SDSL: variants seen among roughly 807,000 people sequenced by gnomAD.
The protein encoded by SDSL is serine dehydratase-like.
In SDSL, 26 loss-of-function variants were observed where a neutral mutation model predicts 27.6. The observed-to-expected ratio is 0.94, with a 90% confidence interval of 0.69 to 1.31. The LOEUF (loss-of-function observed/expected upper bound fraction) is 1.31. Among genes scored for constraint, SDSL ranks in the 50% most tolerant of loss-of-function variants. The pLI, the probability that SDSL is intolerant of heterozygous loss-of-function variation, is 0.00. For missense variants in SDSL, 431 were observed against 423.5 expected (o/e 1.02, Z -0.16); for synonymous variants, 196 against 180.6 (o/e 1.09, Z -0.69).
intron 4 of SDSL, among the ~76,000 whole-genome samples, chr12:113,433,498 T>C (rs1593314403): frequency 6.6e-6 from 1 of 151,980 alleles, no homozygotes; most frequent in African/African-American, 2.4e-5. Context: ...ATTTGGGAGG[T>C]GATTGCAGGA....
At position 113,438,077 on chromosome 12, in the gene SDSL, T is replaced by C; in HGVS notation, c.988T>C (p.Ter330ArgextTer64). ...TTTGAAAACCCACCTGGGCCAGGTC[T>C]GAGGGGTCCCATCCTGGCCCCAAAG... is the stretch of plus-strand genomic sequence containing the variant. ...QALKTHLGQV[*>R] Residue 330 changes from the stop codon to arginine, a stop_lost, in exon 8 of 8, where the codon TGA becomes CGA. Coordinates refer to ENST00000403593, the MANE Select transcript of SDSL (RefSeq NM_001304993.2). The C allele has an allele frequency of 6.2e-7, 1 of 1,612,846 alleles. No homozygotes were observed. Among genetic ancestry groups the C allele is most frequent in the Non-Finnish European group, 8.5e-7 (1 of 1,179,370 alleles).
intron 4 of SDSL, among the ~76,000 whole-genome samples, chr12:113,432,451 G>A (rs964868792): frequency 2.0e-5 from 3 of 151,456 alleles, no homozygotes; most frequent in Admixed American, 6.6e-5. Context: ...AAGCGATTCC[G>A]CTGCCTCAGC....
At chr12:113,434,980 T>C (rs1440353442) in intron 5 of SDSL, among the ~76,000 whole-genome samples, 1 of 152,104 alleles carries the variant, frequency 6.6e-6, no homozygotes, top group Non-Finnish European at 1.5e-5. Flanking sequence ...CTGGGCGTGG[T>C]GGTGCGCACC....
At chr12:113,435,816 A>G (rs183377509) in intron 6 of SDSL, among the ~76,000 whole-genome samples, 1 of 152,346 alleles carries the variant, frequency 6.6e-6, no homozygotes, top group Admixed American at 6.5e-5. Context: ...TGTGTGTTGC[A>G]AATAAGTTTG....
At chr12:113,437,757 C>T (rs16934259) in intron 7 of SDSL, 129 bp from the exon 8 acceptor site, 6 of 812,554 alleles carry the variant, frequency 7.4e-6, no homozygotes, top group African/African-American at 6.9e-5. Context: ...TGATGGATTG[C>T]CAGCAGAGCA....
In SDSL at chr12:113,432,236, CT is replaced by C. The variant is rs1957933392; in HGVS notation, c.355-1895del. On this transcript the variant is annotated intron_variant, in intron 4 of 7. Transcript: ENST00000403593. The stretch of plus-strand genomic sequence containing the variant: ...TCTTTCTTTCTTTCTTTCTTTCTTT[CT>C]TTCTTTCTTTCTTTCTTTCTTTCTT... 4.2e-5 allele frequency among the ~76,000 whole-genome samples: 5 copies of C among 119,186 alleles called. 1 individual carries two copies. The highest frequency in any genetic ancestry group is 1.3e-4 in the African/African-American group (4 of 30,336). 78.2% of individuals were successfully genotyped at this position (119,186 alleles called of 152,430 possible). A position where few individuals can be genotyped will look rare whatever the true frequency, so the allele number is the denominator to read the frequency against.
At chr12:113,437,794 T>A in intron 7 of SDSL, 92 bp from the exon 8 acceptor site, 1 of 1,145,092 alleles carries the variant, frequency 8.7e-7, no homozygotes, top group Non-Finnish European at 1.2e-6. Context: ...GCTGGAGAGA[T>A]GGCTGCAAGG....
chr12:113,432,288 C>G lies in SDSL; in HGVS notation c.355-1846C>G, dbSNP rs1171958704. ...TCTTTCTTTCTTTCTTTCTTTCTTTCTTTCTCTCTCTCTCTTTCTGTCTCT... is the reference window on the plus strand; with the variant it reads ...TCTTTCTTTCTTTCTTTCTTTCTTTGTTTCTCTCTCTCTCTTTCTGTCTCT... On this transcript the variant is annotated intron_variant, in intron 4 of 7. Transcript: ENST00000403593. Among the ~76,000 whole-genome samples, 9 of 126,518 alleles carry G rather than the reference C, an allele frequency of 7.1e-5. No homozygotes were observed. In the East Asian group the frequency reaches 2.0e-3, roughly 29 times the overall value. The allele number at this position is 126,518 out of a possible 152,430, so 83.0% of individuals were successfully genotyped here.
At chr12:113,432,276 CTTTCTTTCTT>C (rs1957940947) in intron 4 of SDSL, among the ~76,000 whole-genome samples, 1 of 130,950 alleles carries the variant, frequency 7.6e-6, no homozygotes, top group African/African-American at 3.0e-5. Context: ...TTCTTTCTTT[CTTTCTTTCTT>C]TCTTTCTCTC....
chr12:113,432,406 A>G (rs1001082005), intron 4 of SDSL, among the ~76,000 whole-genome samples: 6 of 151,382 alleles, frequency 4.0e-5, no homozygotes, highest in African/African-American at 1.5e-4. Flanking sequence ...CAGTGGCGCC[A>G]TCTTGGCTCA....
Position 113,438,228 on chromosome 12 carries a change from T to G in SDSL, c.*149T>G, listed in dbSNP as rs1356062930. The G allele has an allele frequency of 1.7e-6, 1 of 602,894 alleles. No homozygotes were observed. The highest frequency in any genetic ancestry group is 3.0e-5 in the East Asian group (1 of 33,730). 37.3% of individuals were successfully genotyped at this position (602,894 alleles called of 1,614,324 possible). ...CCTGAAGGAAGCCCTCCTGGACTGC[T>G]TCTTTTGGCTCTCCGACAACTCCGG... On this transcript the variant is annotated 3_prime_UTR_variant, in exon 8 of 8. Transcript: ENST00000403593.
chr12:113,431,627 G>A lies in SDSL; in HGVS notation c.354+2328G>A, dbSNP rs151173840. Reference sequence around the variant, plus strand: ...CTTATTCTGTCGCCCAGGCTGGAGTGCAGTGGCATGATCTTGGCTCACTGC... The same window carrying A: ...CTTATTCTGTCGCCCAGGCTGGAGTACAGTGGCATGATCTTGGCTCACTGC... On this transcript the variant is annotated intron_variant, in intron 4 of 7. Transcript: ENST00000403593. 8.4e-3 allele frequency among the ~76,000 whole-genome samples: 1,266 copies of A among 150,822 alleles called. 12 individuals are homozygous for A. Among genetic ancestry groups the A allele is most frequent in the South Asian group, 0.02 (94 of 4,750 alleles).
At chr12:113,425,228 G>A (rs1434994971) in intron 1 of SDSL, among the ~76,000 whole-genome samples, 4 of 152,178 alleles carry the variant, frequency 2.6e-5, no homozygotes, top group Non-Finnish European at 5.9e-5. Context: ...CCAGGGTTGA[G>A]CTGAGGCCTA....
chr12:113,427,961 G>T lies in SDSL; in HGVS notation c.-21-1G>T. The T allele has an allele frequency of 6.2e-7, 1 of 1,600,278 alleles. No homozygotes were observed. Among genetic ancestry groups the T allele is most frequent in the South Asian group, 1.1e-5 (1 of 89,090 alleles). On this transcript the variant is annotated splice_acceptor_variant, in intron 1 of 7. Transcript: ENST00000403593. LOFTEE classifies it low-confidence loss of function (5UTR_SPLICE). Reference sequence around the variant, plus strand: ...GGTGGTGACTTTGTGTCCTCCTGCAGGCTGTCTACCTGGTCTCCAGAATGG... The same window carrying T: ...GGTGGTGACTTTGTGTCCTCCTGCATGCTGTCTACCTGGTCTCCAGAATGG...
At position 113,430,855 on chromosome 12, in the gene SDSL, C is replaced by A. The variant is rs561578224; in HGVS notation, c.354+1556C>A. ...GGCTGAGTTGGGAGGATCACTTGAG[C>A]CCAGGAGTTTGAGGCCAGCCTGGGC... On this transcript the variant is annotated intron_variant, in intron 4 of 7. Transcript: ENST00000403593. 4.5e-4 allele frequency among the ~76,000 whole-genome samples: 68 copies of A among 152,292 alleles called. 3 individuals are homozygous for A. The South Asian group carries it at 0.014, about 30-fold the overall frequency.
intron 4 of SDSL, among the ~76,000 whole-genome samples, chr12:113,429,637 G>A (rs114608199): frequency 0.016 from 2,364 of 152,244 alleles, 66 homozygotes; most frequent in African/African-American, 0.054. Context: ...AAGACAAGAA[G>A]TATCAAGATG....
In SDSL at chr12:113,435,842, C is replaced by T. The variant is rs117623752; in HGVS notation, c.671+286C>T. Among the ~76,000 whole-genome samples, 263 of 152,338 alleles carry T rather than the reference C, an allele frequency of 1.7e-3. 5 individuals are homozygous for T. In the East Asian group the frequency reaches 0.039, roughly 22 times the overall value. Reference sequence around the variant, plus strand: ...AATAAGTTTGAAAATGTAGGCCAGGCACCATGGCTCATGCTTGTAATCCCA... The same window carrying T: ...AATAAGTTTGAAAATGTAGGCCAGGTACCATGGCTCATGCTTGTAATCCCA... On this transcript the variant is annotated intron_variant, in intron 6 of 7. Transcript: ENST00000403593.
intron 2 of SDSL, 91 bp downstream of exon 2, chr12:113,428,247 AG>A (rs2136951449): frequency 7.2e-7 from 1 of 1,389,258 alleles, no homozygotes; most frequent in Non-Finnish European, 9.9e-7. Flanking sequence ...TTCGGGCAGG[AG>A]GGGAAACATG....
intron 4 of SDSL, among the ~76,000 whole-genome samples, chr12:113,431,911 ATT>A (rs34838365): frequency 0.017 from 2,247 of 131,624 alleles, 49 homozygotes; most frequent in African/African-American, 0.058. Flanking sequence ...ACGCCTGGCT[ATT>A]TTTTTTTTTT....
Sources: gnomAD v4.1 joint callset for allele counts (sites outside exome capture counted in the v4.1 genomes callset) on GRCh38, gnomAD v4.1.1 for gene constraint, MANE v1.5 for transcripts, NCBI Gene and HGNC (gene_info 2026-07-23, HGNC 2026-07-21) for gene names.